The following UBE2V2 variants were observed in gnomAD, a reference collection of about 807,000 sequenced individuals.
UBE2V2 encodes ubiquitin-conjugating enzyme E2 variant 2.
A neutral mutation model predicts 17.2 loss-of-function variants in UBE2V2; 9 were observed. That is an observed-to-expected ratio of 0.52 (90% CI 0.32 to 0.91). The LOEUF (loss-of-function observed/expected upper bound fraction) is 0.91. UBE2V2 is among the 40% of genes least tolerant of loss of function. The probability of loss-of-function intolerance (pLI) is 0.04; values close to 1 mark genes in which losing one functional copy is unlikely to be tolerated. For missense variants in UBE2V2, 133 were observed against 182.6 expected, an observed-to-expected ratio of 0.73 and a Z score of 1.56; for synonymous variants, 61 against 57.5, an observed-to-expected ratio of 1.06 and a Z score of -0.28.
At chr8:48,008,381 G>A (rs1046511154), upstream of UBE2V2, 1 of 1,539,182 alleles carries the variant, frequency 6.5e-7, no homozygotes, top group African/African-American at 1.4e-5. Flanking sequence ...CGCGTGCAGG[G>A]CGGCGCGCTC....
chr8:48,014,835 A>G (rs2091257691), intron 1 of UBE2V2, among the ~76,000 whole-genome samples: 1 of 144,286 alleles, frequency 6.9e-6, no homozygotes, highest in Non-Finnish European at 1.5e-5. Flanking sequence ...TGGTTCACGA[A>G]GTCAAGAGAT....
At chr8:48,025,342 A>C (rs1480020326) in intron 1 of UBE2V2, among the ~76,000 whole-genome samples, 12 of 150,210 alleles carry the variant, frequency 8.0e-5, no homozygotes, top group African/African-American at 2.7e-4. Context: ...ATCTCGGCTC[A>C]CTGCAACTTG....
At chr8:48,008,564 A>G in intron 1 of UBE2V2, 94 bp downstream of exon 1, 5 of 1,473,466 alleles carry the variant, frequency 3.4e-6, no homozygotes, top group Non-Finnish European at 4.5e-6. Context: ...CGTGCGGGAG[A>G]AGCCCGAGTG....
At chr8:48,022,066 G>C (rs1363116093) in intron 1 of UBE2V2, among the ~76,000 whole-genome samples, 1 of 151,818 alleles carries the variant, frequency 6.6e-6, no homozygotes, top group African/African-American at 2.4e-5. Context: ...TAACAACTTA[G>C]CCTTGATGGC....
At chr8:48,052,598 T>C (rs2091545998) in intron 3 of UBE2V2, among the ~76,000 whole-genome samples, 1 of 152,200 alleles carries the variant, frequency 6.6e-6, no homozygotes, top group African/African-American at 2.4e-5. Flanking sequence ...TTGGCCATCA[T>C]TTATTTCCTG....
upstream of UBE2V2, among the ~76,000 whole-genome samples, chr8:48,005,579 T>C (rs940201603): frequency 6.6e-6 from 1 of 152,170 alleles, no homozygotes; most frequent in Non-Finnish European, 1.5e-5. Context: ...TTCTAGATCC[T>C]TGAGGAATCG....
chr8:48,015,399 A>G (rs766420985), intron 1 of UBE2V2, among the ~76,000 whole-genome samples: 73 of 152,104 alleles, frequency 4.8e-4, no homozygotes, highest in African/African-American at 1.7e-3. Context: ...AATTTGAACA[A>G]TGCTTGCTAA....
chr8:48,050,012 C>T, intron 3 of UBE2V2, 34 bp downstream of exon 3: 3 of 1,402,794 alleles, frequency 2.1e-6, no homozygotes, highest in South Asian at 1.4e-5. Context: ...TTTTATATAA[C>T]ATAATGTATA....
At chr8:48,022,935 C>T (rs570113214) in intron 1 of UBE2V2, among the ~76,000 whole-genome samples, 15 of 150,694 alleles carry the variant, frequency 1.0e-4, no homozygotes, top group South Asian at 4.2e-4. Flanking sequence ...CCAGCCCCTG[C>T]GAGCGCTTTA....
intron 1 of UBE2V2, among the ~76,000 whole-genome samples, chr8:48,036,625 CG>C (rs1176390718): frequency 2.6e-5 from 4 of 151,292 alleles, no homozygotes; most frequent in African/African-American, 9.7e-5. Flanking sequence ...AGGCTAGAGA[CG>C]GGGTTTCATC....
At chr8:48,037,293 GT>G (rs1289208335) in intron 1 of UBE2V2, among the ~76,000 whole-genome samples, 2 of 152,264 alleles carry the variant, frequency 1.3e-5, no homozygotes, top group Non-Finnish European at 2.9e-5. Context: ...TAGAAATAAT[GT>G]GTTTCAGCAG....
At chr8:48,026,419 GACA>G (rs1484727081) in intron 1 of UBE2V2, among the ~76,000 whole-genome samples, 6 of 152,172 alleles carry the variant, frequency 3.9e-5, no homozygotes, top group Admixed American at 2.0e-4. Context: ...GTTGTTTCAA[GACA>G]ACTTTACTGA....
intron 1 of UBE2V2, among the ~76,000 whole-genome samples, chr8:48,011,486 G>T (rs1260774440): frequency 2.0e-5 from 3 of 152,110 alleles, no homozygotes; most frequent in Non-Finnish European, 4.4e-5. Context: ...TCTAATACAC[G>T]TGTTTTTTAT....
intron 1 of UBE2V2, among the ~76,000 whole-genome samples, chr8:48,025,348 A>C (rs1337057355): frequency 6.6e-6 from 1 of 151,226 alleles, no homozygotes; most frequent in African/African-American, 2.4e-5. Flanking sequence ...GCTCACTGCA[A>C]CTTGTGCAGG....
At chr8:48,008,174 G>A (rs1231006329), upstream of UBE2V2, among the ~76,000 whole-genome samples, 2 of 151,920 alleles carry the variant, frequency 1.3e-5, no homozygotes, top group African/African-American at 2.4e-5. Flanking sequence ...CGATCGCCTC[G>A]GCCTCCCAAA....
At chr8:48,004,530 G>T (rs868496827), upstream of UBE2V2, among the ~76,000 whole-genome samples, 368 of 133,532 alleles carry the variant, frequency 2.8e-3, 2 homozygotes, top group Admixed American at 0.013. Flanking sequence ...TTTTTGTTTT[G>T]TTTTTTTGTT....
chr8:48,001,940 T>C, the UBE2V2 span, among the ~76,000 whole-genome samples: 1 of 151,988 alleles, frequency 6.6e-6, no homozygotes, highest in Non-Finnish European at 1.5e-5. Context: ...AAATACAAAA[T>C]GAGCCGGACG....
At chr8:48,017,051 A>G (rs778261663) in intron 1 of UBE2V2, among the ~76,000 whole-genome samples, 2 of 152,028 alleles carry the variant, frequency 1.3e-5, no homozygotes, top group Non-Finnish European at 2.9e-5. Context: ...TTGGCCTCCC[A>G]AAGTGCTGGG....
At chr8:48,055,200 CTTTT>C (rs5891260) in intron 3 of UBE2V2, among the ~76,000 whole-genome samples, 6 of 134,468 alleles carry the variant, frequency 4.5e-5, no homozygotes, top group Admixed American at 7.4e-5. Context: ...GTTTCTTTTC[CTTTT>C]TTTTTTTTTT....
Sources: gnomAD v4.1 joint callset for allele counts (sites outside exome capture counted in the v4.1 genomes callset) on GRCh38, gnomAD v4.1.1 for gene constraint, MANE v1.5 for transcripts, NCBI Gene and HGNC (gene_info 2026-07-23, HGNC 2026-07-21) for gene names.